CSF2RA: variants seen among roughly 807,000 people sequenced by gnomAD.
CSF2RA encodes the protein colony stimulating factor 2 receptor subunit alpha, also known as granulocyte-macrophage colony-stimulating factor receptor subunit alpha.
Under a neutral mutation model 51.6 loss-of-function variants are expected in CSF2RA, and 42 were observed. That is an observed-to-expected ratio of 0.81 (90% confidence interval 0.64 to 1.05). CSF2RA has a LOEUF of 1.05. Among genes scored for constraint, CSF2RA ranks in the 50% least tolerant of loss-of-function variants. CSF2RA has a pLI of 0.00. For synonymous variants in CSF2RA, 222 were observed against 193.0 expected (o/e 1.15, Z -1.24); for missense variants, 530 against 501.1 (o/e 1.06, Z -0.55).
In CSF2RA at chrX:1,288,124, G is replaced by A. The variant is rs139651190; in HGVS notation, c.220-395G>A. 8.2e-3 allele frequency among the ~76,000 whole-genome samples: 1,245 copies of A among 152,008 alleles called. 14 individuals carry two copies. Among genetic ancestry groups the A allele is most frequent in the African/African-American group, 0.015 (621 of 41,482 alleles). On this transcript the variant is annotated intron_variant, in intron 4 of 12. Coordinates refer to ENST00000381529, the MANE Select transcript of CSF2RA (RefSeq NM_172245.4). Reference sequence around the variant, plus strand: ...TTCAGCGTATCCACTCAGAGCCCTCGGAGGAAGCTTAGGGGGATGATTTCA... The same window carrying A: ...TTCAGCGTATCCACTCAGAGCCCTCAGAGGAAGCTTAGGGGGATGATTTCA...
downstream of CSF2RA, among the ~76,000 whole-genome samples, chrX:1,312,914 C>T (rs2084247576): frequency 6.6e-6 from 1 of 152,048 alleles, no homozygotes; most frequent in Non-Finnish European, 1.5e-5. Context: ...AGAGATGGAG[C>T]CAGGCTCTTG....
the CSF2RA span, among the ~76,000 whole-genome samples, chrX:1,317,246 C>CCTTTT: frequency 5.7e-4 from 33 of 57,836 alleles, no homozygotes; most frequent in African/African-American, 2.4e-3. Context: ...CCACGCTCAG[C>CCTTTT]TTTTTTTTTT....
rs61159606 is a variant in CSF2RA at position 1,284,660 on chromosome X, A to ATTT, written c.77-1098_77-1096dup. Among the ~76,000 whole-genome samples the ATTT allele has an allele frequency of 9.7e-3, 236 of 24,446 alleles. 12 individuals carry two copies. Among genetic ancestry groups the ATTT allele is most frequent in the Middle Eastern group, 0.038 (1 of 26 alleles). 16.0% of individuals were successfully genotyped at this position (24,446 alleles called of 152,430 possible). On this transcript the variant is annotated intron_variant, in intron 3 of 12. Transcript: ENST00000381529. ...GCTATGTTGCCAAGACTAGTTTTTG[A>ATTT]TTTTTTTTTTTTTTTTTTTTTTGAG...
At chrX:1,285,156 C>T (rs1368794551) in intron 3 of CSF2RA, among the ~76,000 whole-genome samples, 3 of 152,136 alleles carry the variant, frequency 2.0e-5, no homozygotes, top group South Asian at 4.1e-4. Flanking sequence ...TTGCCTCAGC[C>T]TCCCAAGGTG....
downstream of CSF2RA, among the ~76,000 whole-genome samples, chrX:1,312,623 A>G (rs1428187339): frequency 2.6e-5 from 4 of 152,266 alleles, no homozygotes; most frequent in East Asian, 1.9e-4. Flanking sequence ...GAGTAATTCA[A>G]TCGCCACAGA....
chrX:1,271,698 G>A (rs144966614), intron 1 of CSF2RA, among the ~76,000 whole-genome samples: 2,406 of 151,740 alleles, frequency 0.016, 64 homozygotes, highest in African/African-American at 0.055. Flanking sequence ...TGTATTTTTA[G>A]TAGGGATGGT....
At position 1,288,206 on chromosome X, in the gene CSF2RA, G is replaced by A. The variant is rs140832878; in HGVS notation, c.220-313G>A. Among the ~76,000 whole-genome samples the A allele has an allele frequency of 0.017, 2,654 of 151,914 alleles. 35 individuals are homozygous for A. Among genetic ancestry groups the A allele is most frequent in the Non-Finnish European group, 0.029 (1,945 of 67,896 alleles). On this transcript the variant is annotated intron_variant, in intron 4 of 12. Transcript: ENST00000381529. ...AGGTAAAAACCAATACCATGGCCGG[G>A]CATGGTGGCTCACGCCTGTAATCCC...
At chrX:1,269,268 T>C (rs1377972502) in intron 1 of CSF2RA, among the ~76,000 whole-genome samples, 2 of 152,162 alleles carry the variant, frequency 1.3e-5, no homozygotes, top group Admixed American at 1.3e-4. Context: ...GGGTGTAGTA[T>C]CTAGCACGGA....
chrX:1,306,514 G>T (rs1423346361), intron 12 of CSF2RA, among the ~76,000 whole-genome samples: 1 of 151,856 alleles, frequency 6.6e-6, no homozygotes, highest in Non-Finnish European at 1.5e-5. Context: ...AGGTGTGGTG[G>T]CGCACACCTG....
intron 4 of CSF2RA, among the ~76,000 whole-genome samples, chrX:1,286,667 T>C (rs1408090772): frequency 1.7e-4 from 26 of 152,014 alleles, no homozygotes; most frequent in Non-Finnish European, 3.4e-4. Flanking sequence ...GTCACAGCCA[T>C]AATCTCACGG....
At chrX:1,270,837 C>T (rs1320708233) in intron 1 of CSF2RA, among the ~76,000 whole-genome samples, 2 of 116,344 alleles carry the variant, frequency 1.7e-5, no homozygotes, top group African/African-American at 7.2e-5. Context: ...GTCAGGAGTT[C>T]GAGACCAGCC....
the CSF2RA span, among the ~76,000 whole-genome samples, chrX:1,317,718 G>T: frequency 6.6e-6 from 1 of 151,842 alleles, no homozygotes; most frequent in Non-Finnish European, 1.5e-5. Flanking sequence ...CGCTCCCAGG[G>T]AGGTACAAGC....
the CSF2RA span, among the ~76,000 whole-genome samples, chrX:1,318,688 C>T: frequency 6.6e-6 from 1 of 151,472 alleles, no homozygotes; most frequent in Non-Finnish European, 1.5e-5. Context: ...GAGGCCGAGG[C>T]AGGCAGATCA....
At chrX:1,301,032 A>C (rs1355989403) in intron 10 of CSF2RA, among the ~76,000 whole-genome samples, 15 of 151,684 alleles carry the variant, frequency 9.9e-5, no homozygotes, top group African/African-American at 3.7e-4. Context: ...AGGTGCCTGT[A>C]ATCCCAGCTA....
Position 1,309,896 on chromosome X carries a change from C to A in CSF2RA, c.*417C>A, listed in dbSNP as rs1569513921. On this transcript the variant is annotated 3_prime_UTR_variant, in exon 13 of 13. Coordinates refer to ENST00000381529, the MANE Select transcript of CSF2RA (RefSeq NM_172245.4). The stretch of plus-strand genomic sequence containing the variant: ...GAGCAAGATTGCATCTCAAAACAAA[C>A]AATAATAATAAATAATAAAAACCTG... The A allele has an allele frequency of 1.2e-5, 7 of 576,474 alleles. No homozygotes were observed. Among genetic ancestry groups the A allele is most frequent in the Non-Finnish European group, 2.1e-5 (7 of 326,398 alleles). The allele number at this position is 576,474 out of a possible 1,614,324, so 35.7% of individuals were successfully genotyped here.
the CSF2RA span, among the ~76,000 whole-genome samples, chrX:1,323,075 G>A: frequency 6.6e-6 from 1 of 151,626 alleles, no homozygotes; most frequent in African/African-American, 2.4e-5. Context: ...GTTGCAGTGA[G>A]CCGAGATCGC....
chrX:1,315,770 AATAGATAG>A, the CSF2RA span, among the ~76,000 whole-genome samples: 35,337 of 124,184 alleles, frequency 0.28, 4,520 homozygotes, highest in Non-Finnish European at 0.33. Context: ...TAAAATAGAT[AATAGATAG>A]ATAGATAGAT....
intron 3 of CSF2RA, 73 bp from the exon 4 acceptor site, chrX:1,285,701 CAAAA>C (rs374606414): frequency 2.4e-3 from 2,110 of 866,622 alleles, no homozygotes; most frequent in African/African-American, 0.013. Flanking sequence ...GACTCCGTCT[CAAAA>C]AAAAAAAAAA....
Position 1,309,370 on chromosome X carries a change from G to T in CSF2RA, c.1126-32G>T, listed in dbSNP as rs777597678. On this transcript the variant is annotated intron_variant, in intron 12 of 12. Transcript: ENST00000381529. ...CTGAGTCCCAGGCTGAGCTCGTGAAGATCTGACAGCCTGAACCCTCCTTTT... is the reference window on the plus strand; with the variant it reads ...CTGAGTCCCAGGCTGAGCTCGTGAATATCTGACAGCCTGAACCCTCCTTTT... 8.7e-6 allele frequency: 14 copies of T among 1,605,966 alleles called. No homozygotes were observed. In the South Asian group the frequency reaches 1.5e-4, roughly 18 times the overall value.
Sources: gnomAD v4.1 joint callset for allele counts (sites outside exome capture counted in the v4.1 genomes callset) on GRCh38, gnomAD v4.1.1 for gene constraint, MANE v1.5 for transcripts, NCBI Gene and HGNC (gene_info 2026-07-23, HGNC 2026-07-21) for gene names.